The following DTNB variants were observed in gnomAD, a reference collection of about 807,000 sequenced individuals.
DTNB encodes the protein DTN-B.
A neutral mutation model predicts 90.7 loss-of-function variants in DTNB; 63 were observed. That is an observed-to-expected ratio of 0.69 (90% CI 0.57 to 0.86). DTNB has a LOEUF of 0.86. Among genes scored for constraint, DTNB ranks in the 40% least tolerant of loss-of-function variants. The pLI, the probability that DTNB is intolerant of heterozygous loss-of-function variation, is 0.00. For missense variants in DTNB, 744 were observed against 807.1 expected (o/e 0.92, Z 0.95); for synonymous variants, 277 against 286.7 (o/e 0.97, Z 0.34).
chr2:25,383,897 A>G lies in DTNB; in HGVS notation c.1826-8T>C. 1 of 1,614,038 alleles carries G rather than the reference A, an allele frequency of 6.2e-7. No homozygotes were observed. Among genetic ancestry groups the G allele is most frequent in the Non-Finnish European group, 8.5e-7 (1 of 1,179,894 alleles). ...CCTCTGCACCTTCCTCTGCTGTGAA[A>G]ACAAGTCCAAGGAGGCCAGTGACCC... On this transcript the variant is annotated splice_polypyrimidine_tract_variant and splice_region_variant and intron_variant, in intron 18 of 20. Transcript: ENST00000406818.
chr2:25,388,773 G>A, intron 16 of DTNB: 1 of 179,102 alleles, frequency 5.6e-6, no homozygotes. Flanking sequence ...TCCCCCCGCT[G>A]CTGCCGGCAA....
intron 16 of DTNB, among the ~76,000 whole-genome samples, chr2:25,401,299 G>A (rs2043645846): frequency 6.6e-6 from 1 of 152,250 alleles, no homozygotes; most frequent in Non-Finnish European, 1.5e-5. Flanking sequence ...AAGGAAATGT[G>A]AGAAAGGAGA....
chr2:25,669,532 A>C (rs2085319875), intron 1 of DTNB, among the ~76,000 whole-genome samples: 1 of 152,232 alleles, frequency 6.6e-6, no homozygotes, highest in African/African-American at 2.4e-5. Context: ...ATGACATTAA[A>C]CTTAAATGGT....
intron 9 of DTNB, among the ~76,000 whole-genome samples, chr2:25,513,548 C>T (rs2074373661): frequency 6.6e-6 from 1 of 151,996 alleles, no homozygotes; most frequent in Admixed American, 6.6e-5. Context: ...TGGTGAAACC[C>T]CGTCTCTACT....
chr2:25,523,641 CAAAA>C (rs763301694), intron 9 of DTNB, among the ~76,000 whole-genome samples: 5 of 92,266 alleles, frequency 5.4e-5, no homozygotes, highest in Non-Finnish European at 1.2e-4. Context: ...ACTCTGTCTC[CAAAA>C]AAAAAAAAAA....
At chr2:25,402,228 G>A (rs544390334) in intron 16 of DTNB, among the ~76,000 whole-genome samples, 1 of 152,188 alleles carries the variant, frequency 6.6e-6, no homozygotes, top group Non-Finnish European at 1.5e-5. Flanking sequence ...GTCCTGCTGT[G>A]AGAGTTGGAA....
At chr2:25,565,979 T>G (rs1041805131) in intron 8 of DTNB, among the ~76,000 whole-genome samples, 17 of 152,150 alleles carry the variant, frequency 1.1e-4, no homozygotes, top group African/African-American at 4.1e-4. Flanking sequence ...CCTTTGAGTG[T>G]GGGTGGAAGC....
chr2:25,543,944 C>T (rs1220630322), intron 8 of DTNB, among the ~76,000 whole-genome samples: 2 of 152,272 alleles, frequency 1.3e-5, no homozygotes, highest in South Asian at 4.1e-4. Flanking sequence ...GAAATTAACA[C>T]TCAGTGTAAA....
intron 5 of DTNB, among the ~76,000 whole-genome samples, chr2:25,599,993 G>T (rs2065513050): frequency 6.6e-6 from 1 of 152,162 alleles, no homozygotes; most frequent in African/African-American, 2.4e-5. Context: ...AGCTACTCAG[G>T]AGACTGAAGG....
intron 4 of DTNB, among the ~76,000 whole-genome samples, chr2:25,625,373 A>G (rs550034068): frequency 6.6e-6 from 1 of 152,290 alleles, no homozygotes; most frequent in East Asian, 1.9e-4. Context: ...TTCCAACACA[A>G]GAAGGTCAAT....
At chr2:25,454,709 A>G (rs566260495) in intron 11 of DTNB, among the ~76,000 whole-genome samples, 1 of 152,342 alleles carries the variant, frequency 6.6e-6, no homozygotes, top group East Asian at 1.9e-4. Context: ...GCAGTTATCA[A>G]ACGTTTTTCC....
chr2:25,383,941 C>T, intron 18 of DTNB, 52 bp from the exon 19 acceptor site: 2 of 1,613,632 alleles, frequency 1.2e-6, no homozygotes, highest in Non-Finnish European at 1.7e-6. Context: ...AGGACAAGTA[C>T]AGAAGGAGGG....
chr2:25,580,747 A>C lies in DTNB; in HGVS notation c.683T>G (p.Met228Arg), dbSNP rs779319475. The C allele has an allele frequency of 6.2e-7, 1 of 1,613,698 alleles. No individual in the cohort carries two copies. Among genetic ancestry groups the C allele is most frequent in the South Asian group, 1.1e-5 (1 of 91,082 alleles). ...PPQCLVWLPLMHRLAHVENVF... is the reference protein window; with the variant it reads ...PPQCLVWLPLRHRLAHVENVF... ...ATTCTCAACATGGGCAAGCCTGTGC[A>C]TGAGAGGTAGCCAGACAAGGCACTG... is the stretch of plus-strand genomic sequence containing the variant. The change falls in exon 7 of 21, where the codon ATG becomes AGG. Residue 228 changes from methionine (M) to arginine (R), a missense_variant. Coordinates refer to ENST00000406818, the MANE Select transcript of DTNB (RefSeq NM_021907.5).
intron 8 of DTNB, among the ~76,000 whole-genome samples, chr2:25,558,576 T>C (rs2057741257): frequency 6.6e-6 from 1 of 152,222 alleles, no homozygotes; most frequent in Admixed American, 6.5e-5. Flanking sequence ...AGGCTACAGT[T>C]GAAAAAATGC....
At chr2:25,477,220 G>A (rs1010946866) in intron 10 of DTNB, among the ~76,000 whole-genome samples, 2 of 152,168 alleles carry the variant, frequency 1.3e-5, no homozygotes, top group African/African-American at 4.8e-5. Context: ...ATAGTATAGT[G>A]TAAGCAAAAC....
chr2:25,419,657 G>T, intron 15 of DTNB, 122 bp from the exon 16 acceptor site: 1 of 1,271,378 alleles, frequency 7.9e-7, no homozygotes, highest in Non-Finnish European at 1.1e-6. Context: ...ACCAGGCCAG[G>T]CCCACAGGTG....
intron 6 of DTNB, among the ~76,000 whole-genome samples, chr2:25,590,236 A>C (rs1573030613): frequency 6.6e-6 from 1 of 152,188 alleles, no homozygotes; most frequent in African/African-American, 2.4e-5. Flanking sequence ...TGTTGCCCAC[A>C]ACATGGCAAG....
chr2:25,449,416 T>C (rs2058930773), intron 12 of DTNB, among the ~76,000 whole-genome samples: 1 of 152,360 alleles, frequency 6.6e-6, no homozygotes, highest in Middle Eastern at 3.4e-3. Flanking sequence ...TTTTCCAAAG[T>C]AGCTGTATGA....
intron 10 of DTNB, among the ~76,000 whole-genome samples, chr2:25,475,701 G>A (rs1452902251): frequency 6.6e-6 from 1 of 152,228 alleles, no homozygotes; most frequent in Non-Finnish European, 1.5e-5. Flanking sequence ...CAAAAGGACA[G>A]GCTGATTCTC....
Sources: gnomAD v4.1 joint callset for allele counts (sites outside exome capture counted in the v4.1 genomes callset) on GRCh38, gnomAD v4.1.1 for gene constraint, MANE v1.5 for transcripts, NCBI Gene and HGNC (gene_info 2026-07-23, HGNC 2026-07-21) for gene names.